Variants in SYNE1 observed in about 807,000 individuals in gnomAD.
SYNE1 encodes the protein nesprin-1.
SYNE1 carries 616 observed loss-of-function variants against 1,111.0 expected under a neutral mutation model. The observed-to-expected ratio is 0.55, with a 90% CI of 0.52 to 0.59. SYNE1 has a LOEUF of 0.59. SYNE1 is among the 20% of genes least tolerant of loss of function. The pLI is 0.00. For synonymous variants in SYNE1, 3,855 were observed against 3,825.8 expected (o/e 1.01, Z -0.28); for missense variants, 10,006 against 10,417.0 (o/e 0.96, Z 1.72).
chr6:152,199,613 C>G (rs75137341), intron 127 of SYNE1, among the ~76,000 whole-genome samples: 2,852 of 152,244 alleles, frequency 0.019, 66 homozygotes, highest in South Asian at 0.086. Flanking sequence ...GTATAACCAG[C>G]TGTTGTTTTT....
chr6:152,133,769 C>T (rs75770336), intron 142 of SYNE1: 2 of 445,002 alleles, frequency 4.5e-6, no homozygotes. Context: ...GTATATATGA[C>T]AGTAATTAAA....
rs761090851 is a variant in SYNE1, at chr6:152,387,301, T to C, written c.8258A>G (p.Asp2753Gly). 5.2e-5 allele frequency: 84 copies of C among 1,614,082 alleles called. No individual in the cohort carries two copies. The highest frequency in any genetic ancestry group is 7.1e-5 in the Non-Finnish European group (84 of 1,180,036). The change falls in exon 54 of 146, where the codon GAT becomes GGT. Residue 2753 changes from aspartate (D) to glycine (G), a missense_variant. Asp to Gly is a moderately conservative substitution (Grantham distance 94). Around this residue, in one of 7 missense-constraint regions of SYNE1, gnomAD observed 4,955 missense variants for 5,017.2 expected, o/e 0.99. Transcript: ENST00000367255. ...NQLEQWMESV[D>G]QKIEHPLQPQ... is the part of the protein sequence containing the mutation. ...TTGTAAGGGATGTTCTATTTTTTGA[T>C]CCACTGATTCCATCCACTGCTCCAA...
chr6:152,551,558 A>G (rs1433007005), intron 3 of SYNE1, among the ~76,000 whole-genome samples: 1 of 152,232 alleles, frequency 6.6e-6, no homozygotes, highest in African/African-American at 2.4e-5. Flanking sequence ...ATCAAAAAGA[A>G]TTACATCACA....
chr6:152,364,925 A>G lies in SYNE1; in HGVS notation c.10067T>C (p.Ile3356Thr), dbSNP rs2097039173. ...CTGCAGCTGCTGCTGAATAGTGGGAATGCCTTCTGGAGAAGTATTCTGAAG... is the reference window on the plus strand; with the variant it reads ...CTGCAGCTGCTGCTGAATAGTGGGAGTGCCTTCTGGAGAAGTATTCTGAAG... ...SVLQNTSPEG[I>T]PTIQQQLQSV... The change falls in exon 63 of 146, where the codon ATT (isoleucine) becomes ACT (threonine). Residue 3356 changes from isoleucine (I) to threonine (T), a missense_variant. Physicochemically the swap from Ile to Thr is moderately conservative, Grantham distance 89 (BLOSUM62 -1). Transcript: ENST00000367255. The G allele has an allele frequency of 3.7e-6, 6 of 1,614,114 alleles. No individual in the cohort carries two copies. The highest frequency in any genetic ancestry group is 5.1e-6 in the Non-Finnish European group (6 of 1,180,042).
At chr6:152,211,466 C>T (rs1362352063) in intron 124 of SYNE1, 28 bp downstream of exon 124, 1 of 1,587,226 alleles carries the variant, frequency 6.3e-7, no homozygotes, top group African/African-American at 1.3e-5. Flanking sequence ...TGGAACCTTT[C>T]TTTGTAATAA....
chr6:152,313,971 G>A (rs2095632708), intron 87 of SYNE1, among the ~76,000 whole-genome samples: 7 of 152,058 alleles, frequency 4.6e-5, no homozygotes, highest in South Asian at 2.1e-4. Flanking sequence ...GTCTTTCATC[G>A]TTGACTCCTC....
chr6:152,151,220 TAAA>T (rs536179270), intron 135 of SYNE1, among the ~76,000 whole-genome samples: 2 of 125,550 alleles, frequency 1.6e-5, no homozygotes, highest in Admixed American at 8.1e-5. Flanking sequence ...AGACTCTCTC[TAAA>T]AAAAAAAAAA....
rs142103518 is a variant in SYNE1 at position 152,606,315 on chromosome 6, G to C, written c.67+21950C>G. 2.3e-3 allele frequency among the ~76,000 whole-genome samples: 351 copies of C among 152,260 alleles called. 1 individual carries two copies. The highest frequency in any genetic ancestry group is 0.012 in the South Asian group (58 of 4,830). ...GGCTACCCGGCATTAGCCCAGGAAG[G>C]ACCTAAACCAGCTTCCAAAGAGTCC... On this transcript the variant is annotated intron_variant, in intron 3 of 145. Transcript: ENST00000367255.
At chr6:152,603,005 A>G (rs76621026) in intron 3 of SYNE1, among the ~76,000 whole-genome samples, 14,218 of 152,190 alleles carry the variant, frequency 0.093, 725 homozygotes, top group African/African-American at 0.13. Context: ...AGCATATATG[A>G]GCCAGACCAG....
At chr6:152,401,434 A>G in intron 46 of SYNE1, 93 bp from the exon 47 acceptor site, 3 of 1,270,644 alleles carry the variant, frequency 2.4e-6, no homozygotes, top group Non-Finnish European at 3.4e-6. Context: ...TAATTGTCAA[A>G]GCCACACAAG....
At chr6:152,442,376 G>A (rs1416725646) in intron 30 of SYNE1, 131 bp from the exon 31 acceptor site, 5 of 1,008,442 alleles carry the variant, frequency 5.0e-6, no homozygotes, top group Non-Finnish European at 7.6e-6. Flanking sequence ...AAGATTAACA[G>A]TTGAAATGGT....
At chr6:152,301,411 C>T (rs2095160894) in intron 92 of SYNE1, among the ~76,000 whole-genome samples, 1 of 152,318 alleles carries the variant, frequency 6.6e-6, no homozygotes, top group East Asian at 1.9e-4. Flanking sequence ...TCATATTTTT[C>T]TAACAATAGC....
chr6:152,619,967 A>G (rs907478895), intron 3 of SYNE1, among the ~76,000 whole-genome samples: 2 of 152,130 alleles, frequency 1.3e-5, no homozygotes, highest in Non-Finnish European at 2.9e-5. Flanking sequence ...AGCATCTTGA[A>G]CCTCCTTGTG....
Position 152,308,640 on chromosome 6 carries a change from A to G in SYNE1, c.17203-8T>C, listed in dbSNP as rs1268189297. The G allele has an allele frequency of 6.5e-7, 1 of 1,544,790 alleles. No individual in the cohort carries two copies. The highest frequency in any genetic ancestry group is 1.9e-5 in the Admixed American group (1 of 51,848). On this transcript the variant is annotated splice_polypyrimidine_tract_variant and splice_region_variant and intron_variant, in intron 90 of 145. Coordinates refer to ENST00000367255, the MANE Select transcript of SYNE1 (RefSeq NM_182961.4). Reference sequence around the variant, plus strand: ...ATATTGTACCACAGCTTCCTTTGAAAAAAAAAAAAAACAGAAAGATAGACA... The same window carrying G: ...ATATTGTACCACAGCTTCCTTTGAAGAAAAAAAAAAACAGAAAGATAGACA...
chr6:152,233,172 T>A (rs1402678199), intron 112 of SYNE1, among the ~76,000 whole-genome samples: 1 of 152,220 alleles, frequency 6.6e-6, no homozygotes, highest in Non-Finnish European at 1.5e-5. Context: ...ACTCACTTTA[T>A]GAGAAAAGTG....
intron 39 of SYNE1, among the ~76,000 whole-genome samples, chr6:152,421,502 A>G (rs1013151703): frequency 2.6e-5 from 4 of 152,046 alleles, no homozygotes; most frequent in African/African-American, 4.8e-5. Flanking sequence ...CTGAAGAGAG[A>G]AAAATTATGT....
intron 111 of SYNE1, 62 bp downstream of exon 111, chr6:152,234,606 T>A: frequency 6.2e-7 from 1 of 1,604,770 alleles, no homozygotes; most frequent in Non-Finnish European, 8.5e-7. Flanking sequence ...TCTTTTCTAC[T>A]GGTGTATGGG....
chr6:152,413,405 C>T lies in SYNE1; in HGVS notation c.6177G>A (p.Glu2059=). 1.2e-6 allele frequency: 2 copies of T among 1,614,166 alleles called. No individual in the cohort carries two copies. Among genetic ancestry groups the T allele is most frequent in the Non-Finnish European group, 1.7e-6 (2 of 1,180,032 alleles). The stretch of plus-strand genomic sequence containing the variant: ...CCCAGGTGACCTCTAAGCGGTTTAT[C>T]TCCCTGTCAACTTCAGGTGCAAAAG... ...DVAFAPEVDR[E]INRLEVTWDD... is the part of the protein sequence containing the mutation. Residue 2059 remains glutamate (E), a synonymous_variant, in exon 42 of 146, where the codon GAG becomes GAA. Transcript: ENST00000367255.
rs1165381862 is a variant in SYNE1 at position 152,213,592 on chromosome 6, A to T, written c.22494+20T>A. The T allele has an allele frequency of 6.2e-7, 1 of 1,613,942 alleles. No individual in the cohort carries two copies. On this transcript the variant is annotated intron_variant, in intron 123 of 145. Coordinates refer to ENST00000367255, the MANE Select transcript of SYNE1 (RefSeq NM_182961.4). ...GCCTAAAAATTTCTTATTACCCCCA[A>T]ATCTACTGATACAACTTACCTCGTG... is the stretch of plus-strand genomic sequence containing the variant.
Sources: gnomAD v4.1 joint callset for allele counts (sites outside exome capture counted in the v4.1 genomes callset) on GRCh38, gnomAD v4.1.1 for gene constraint, gnomAD v4.1.1 regional missense constraint, MANE v1.5 for transcripts, NCBI Gene and HGNC (gene_info 2026-07-23, HGNC 2026-07-21) for gene names.